DLG2: variants seen among roughly 807,000 people sequenced by gnomAD.
The protein encoded by DLG2 is discs large MAGUK scaffold protein 2.
Under a neutral mutation model 132.5 loss-of-function variants are expected in DLG2, and 45 were observed. That is an observed-to-expected ratio of 0.34 (90% confidence interval 0.27 to 0.44). The LOEUF (loss-of-function observed/expected upper bound fraction) is 0.44, where lower values mean the gene tolerates loss of function less well. Among genes scored for constraint, DLG2 ranks in the 20% least tolerant of loss-of-function variants. DLG2 has a pLI of 1.00. For synonymous variants in DLG2, 424 were observed against 419.6 expected, an observed-to-expected ratio of 1.01 and a Z score of -0.13; for missense variants, 1,045 against 1,196.9, an observed-to-expected ratio of 0.87 and a Z score of 1.87.
At chr11:84,453,592 A>G (rs1007806410) in intron 7 of DLG2, among the ~76,000 whole-genome samples, 1 of 151,722 alleles carries the variant, frequency 6.6e-6, no homozygotes, top group East Asian at 1.9e-4. Context: ...GATGACTACC[A>G]AATCTAACAT....
At chr11:85,427,311 A>G (rs2090835146) in intron 3 of DLG2, among the ~76,000 whole-genome samples, 1 of 152,324 alleles carries the variant, frequency 6.6e-6, no homozygotes, top group South Asian at 2.1e-4. Context: ...AGCAACTCCA[A>G]GACACATAAT....
chr11:84,339,671 T>A (rs1033098238), intron 7 of DLG2, among the ~76,000 whole-genome samples: 35 of 152,128 alleles, frequency 2.3e-4, no homozygotes, highest in African/African-American at 8.0e-4. Context: ...ATCAAGATCA[T>A]CCCTTAGGAA....
chr11:84,373,665 C>T (rs1313665766), intron 7 of DLG2, among the ~76,000 whole-genome samples: 4 of 152,038 alleles, frequency 2.6e-5, no homozygotes, highest in African/African-American at 9.7e-5. Flanking sequence ...TTATCAAATA[C>T]TGTCAGAAAG....
intron 11 of DLG2, among the ~76,000 whole-genome samples, chr11:84,017,068 GA>G (rs1056112002): frequency 2.0e-5 from 3 of 151,258 alleles, no homozygotes; most frequent in African/African-American, 4.8e-5. Context: ...AGACTTCAAG[GA>G]AAAAAAAGGA....
At chr11:85,004,624 T>A (rs1357294124) in intron 6 of DLG2, among the ~76,000 whole-genome samples, 1 of 152,216 alleles carries the variant, frequency 6.6e-6, no homozygotes, top group Non-Finnish European at 1.5e-5. Flanking sequence ...TAGCCCTTTG[T>A]CAGATCGATA....
chr11:84,182,573 G>A (rs1382970314), intron 8 of DLG2, among the ~76,000 whole-genome samples: 1 of 151,888 alleles, frequency 6.6e-6, no homozygotes, highest in Non-Finnish European at 1.5e-5. Flanking sequence ...CAAATAGAAT[G>A]TATTAAAATT....
intron 18 of DLG2, among the ~76,000 whole-genome samples, chr11:83,774,337 G>A (rs77750794): frequency 0.016 from 2,453 of 152,182 alleles, 67 homozygotes; most frequent in African/African-American, 0.056. Context: ...TGATAATAAC[G>A]ATAATTATCG....
chr11:84,993,420 G>C (rs537462633), intron 6 of DLG2, among the ~76,000 whole-genome samples: 29 of 152,294 alleles, frequency 1.9e-4, no homozygotes, highest in Non-Finnish European at 3.7e-4. Context: ...ATCTTGGAAG[G>C]CCTGAGAGTT....
chr11:84,249,736 C>T (rs756014039), intron 8 of DLG2, among the ~76,000 whole-genome samples: 3 of 152,184 alleles, frequency 2.0e-5, no homozygotes, highest in Non-Finnish European at 2.9e-5. Flanking sequence ...TTTGCTTCTA[C>T]AGAGCCCTTT....
chr11:84,668,792 G>C (rs1229568073), intron 6 of DLG2, among the ~76,000 whole-genome samples: 1 of 151,938 alleles, frequency 6.6e-6, no homozygotes, highest in Admixed American at 6.6e-5. Flanking sequence ...TGAAAAATTT[G>C]AAAATATTTT....
intron 6 of DLG2, among the ~76,000 whole-genome samples, chr11:84,565,161 T>C (rs2099447580): frequency 6.6e-6 from 1 of 152,134 alleles, no homozygotes; most frequent in African/African-American, 2.4e-5. Context: ...AACATGTAAG[T>C]GACCAGCTTG....
chr11:85,426,797 GAGA>G (rs1435596601), intron 3 of DLG2, among the ~76,000 whole-genome samples: 1 of 152,154 alleles, frequency 6.6e-6, no homozygotes, highest in African/African-American at 2.4e-5. Flanking sequence ...AATGAGTTGA[GAGA>G]AGAAGGCTTC....
At chr11:84,374,368 A>G (rs1380057375) in intron 7 of DLG2, among the ~76,000 whole-genome samples, 1 of 152,200 alleles carries the variant, frequency 6.6e-6, no homozygotes, top group Non-Finnish European at 1.5e-5. Context: ...TTTATGTTCT[A>G]AAGCAAGCTT....
intron 7 of DLG2, among the ~76,000 whole-genome samples, chr11:84,465,528 C>T (rs776882513): frequency 3.3e-5 from 5 of 151,116 alleles, no homozygotes; most frequent in Non-Finnish European, 7.4e-5. Flanking sequence ...TTCATTATGG[C>T]TTAAATCAGT....
rs1028325331 is a variant in DLG2 at position 83,615,439 on chromosome 11, G to C, written c.1940+17772C>G. On this transcript the variant is annotated intron_variant, in intron 19 of 27. Transcript: ENST00000376104. ...TCATGGGTTCATTTTGCCTGTTCTT[G>C]AATGTTATATAAATCATATTGTGGT... Among the ~76,000 whole-genome samples, 4 of 152,122 alleles carry C rather than the reference G, an allele frequency of 2.6e-5. No individual in the cohort carries two copies. In the South Asian group the frequency reaches 8.3e-4, roughly 31 times the overall value.
chr11:84,458,286 GAATT>G (rs922950408), intron 7 of DLG2, among the ~76,000 whole-genome samples: 3 of 150,760 alleles, frequency 2.0e-5, no homozygotes, highest in African/African-American at 4.8e-5. Context: ...CCTGGAATAA[GAATT>G]AATGACTAAA....
At chr11:84,562,129 G>T (rs537490233) in intron 6 of DLG2, among the ~76,000 whole-genome samples, 4 of 152,178 alleles carry the variant, frequency 2.6e-5, no homozygotes, top group African/African-American at 9.6e-5. Flanking sequence ...TAGAATCAAT[G>T]ACCCTTGATC....
chr11:84,366,108 G>A (rs191624129), intron 7 of DLG2, among the ~76,000 whole-genome samples: 506 of 152,134 alleles, frequency 3.3e-3, no homozygotes, highest in Admixed American at 6.7e-3. Flanking sequence ...GACTAACAGC[G>A]GATCTCTCGG....
intron 6 of DLG2, among the ~76,000 whole-genome samples, chr11:84,754,676 C>T (rs1277469150): frequency 1.3e-5 from 2 of 152,108 alleles, no homozygotes; most frequent in South Asian, 2.1e-4. Flanking sequence ...AATTTTAAGA[C>T]AGTCAAAATA....
Sources: allele counts gnomAD v4.1 joint callset (sites outside exome capture counted in the v4.1 genomes callset), GRCh38; gene constraint gnomAD v4.1.1; transcripts MANE v1.5; gene names NCBI Gene and HGNC (gene_info 2026-07-23, HGNC 2026-07-21).